The following UNC13C variants were observed in gnomAD, a reference collection of about 807,000 sequenced individuals.
UNC13C encodes the protein unc-13 homolog C.
Under a neutral mutation model 245.4 loss-of-function variants are expected in UNC13C, and 174 were observed. The ratio of observed to expected loss-of-function variants is 0.71; its 90% CI spans 0.63 to 0.80. The LOEUF (loss-of-function observed/expected upper bound fraction) is 0.80, where lower values mean the gene tolerates loss of function less well. Ranked by LOEUF, UNC13C falls within the 30% of genes least tolerant of loss-of-function variation. UNC13C has a pLI of 0.00. For synonymous variants in UNC13C, 992 were observed against 895.1 expected, an observed-to-expected ratio of 1.11 and a Z score of -1.93; for missense variants, 2,829 against 2,602.9, an observed-to-expected ratio of 1.09 and a Z score of -1.89.
chr15:53,940,549 A>G, the UNC13C span, among the ~76,000 whole-genome samples: 5 of 152,292 alleles, frequency 3.3e-5, no homozygotes, highest in East Asian at 9.7e-4. Context: ...AGGTGACATG[A>G]TCCTCTATCT....
At chr15:54,032,776 A>G (rs556405857) in intron 2 of UNC13C, among the ~76,000 whole-genome samples, 13 of 152,318 alleles carry the variant, frequency 8.5e-5, no homozygotes, top group African/African-American at 3.1e-4. Context: ...CATAGAAGTA[A>G]TAACAGTACG....
chr15:54,038,124 A>ATATTTTTTT, intron 2 of UNC13C, among the ~76,000 whole-genome samples: 3 of 45,040 alleles, frequency 6.7e-5, no homozygotes, highest in African/African-American at 1.1e-4. Context: ...ATATATATAT[A>ATATTTTTTT]TTTTTTTTTT....
intron 13 of UNC13C, among the ~76,000 whole-genome samples, chr15:54,309,236 TTGCATTTCTCTGATGATTAG>T (rs1198880212): frequency 6.6e-6 from 1 of 151,990 alleles, no homozygotes; most frequent in Non-Finnish European, 1.5e-5. Context: ...TGGTTTTAAT[TTGCATTTCTCTGATGATTAG>T]TGATGTTACA....
intron 30 of UNC13C, among the ~76,000 whole-genome samples, chr15:54,577,428 C>T (rs1898002949): frequency 6.6e-6 from 1 of 152,124 alleles, no homozygotes; most frequent in Admixed American, 6.6e-5. Flanking sequence ...TCCATTTGCC[C>T]CTCCTAATCT....
At chr15:54,129,702 A>T (rs1328669279) in intron 2 of UNC13C, among the ~76,000 whole-genome samples, 1 of 151,634 alleles carries the variant, frequency 6.6e-6, no homozygotes, top group African/African-American at 2.4e-5. Context: ...AGATGTATAT[A>T]TCATTCTCTC....
intron 13 of UNC13C, among the ~76,000 whole-genome samples, chr15:54,315,336 A>G (rs1307087053): frequency 6.6e-6 from 1 of 151,644 alleles, no homozygotes; most frequent in African/African-American, 2.4e-5. Context: ...GATGATGTTT[A>G]TTTGTCAAGT....
chr15:54,016,477 G>A (rs1895664319), intron 2 of UNC13C, among the ~76,000 whole-genome samples: 1 of 152,128 alleles, frequency 6.6e-6, no homozygotes, highest in Admixed American at 6.6e-5. Context: ...TAGAGCCAAG[G>A]CCCTAGGTCA....
intron 23 of UNC13C, among the ~76,000 whole-genome samples, chr15:54,510,785 T>G (rs1894702853): frequency 2.0e-5 from 3 of 152,174 alleles, no homozygotes; most frequent in African/African-American, 7.2e-5. Context: ...ACATCCATTT[T>G]CCTTCCTTTG....
At chr15:54,161,997 A>G (rs2032996850) in intron 4 of UNC13C, among the ~76,000 whole-genome samples, 1 of 151,982 alleles carries the variant, frequency 6.6e-6, no homozygotes, top group African/African-American at 2.4e-5. Flanking sequence ...TCACAGAGGG[A>G]TTTGTGATTT....
At chr15:53,866,811 A>G in the UNC13C span, among the ~76,000 whole-genome samples, 1 of 152,246 alleles carries the variant, frequency 6.6e-6, no homozygotes, top group Non-Finnish European at 1.5e-5. Context: ...AGATAGCACT[A>G]AAAAATAAAT....
intron 17 of UNC13C, among the ~76,000 whole-genome samples, chr15:54,338,855 A>AT (rs111750863): frequency 3.9e-5 from 6 of 152,162 alleles, no homozygotes; most frequent in African/African-American, 1.4e-4. Context: ...ACTGCCTCCC[A>AT]TATCATTTTA....
At chr15:53,873,915 C>CCTTT in the UNC13C span, among the ~76,000 whole-genome samples, 3 of 18,848 alleles carry the variant, frequency 1.6e-4, no homozygotes, top group African/African-American at 3.8e-4. Context: ...TTCCTTCCTT[C>CCTTT]CTTCCTTTCT....
rs188562541 is a variant in UNC13C at position 54,428,240 on chromosome 15, T to C, written c.4933+13173T>C. Among the ~76,000 whole-genome samples, 54 of 151,882 alleles carry C rather than the reference T, an allele frequency of 3.6e-4. No individual in the cohort carries two copies. In the East Asian group the frequency reaches 0.01, roughly 29 times the overall value. ...TCAAATCATGTCTCTCTTCTGTTCA[T>C]GACCCTTGTCACACACAGAATGAAA... On this transcript the variant is annotated intron_variant, in intron 19 of 32. Coordinates refer to ENST00000260323, the MANE Select transcript of UNC13C (RefSeq NM_001080534.3).
chr15:54,526,825 T>C (rs973843113), intron 25 of UNC13C, among the ~76,000 whole-genome samples: 1 of 152,102 alleles, frequency 6.6e-6, no homozygotes, highest in African/African-American at 2.4e-5. Context: ...TGTTGTGTTT[T>C]AGAAAGATCC....
the UNC13C span, chr15:53,968,173 T>C: frequency 6.6e-6 from 1 of 152,148 alleles, no homozygotes; most frequent in African/African-American, 2.4e-5. Context: ...GGAAAGGTGA[T>C]CCAACTCAAT....
At chr15:53,938,450 T>C in the UNC13C span, among the ~76,000 whole-genome samples, 2 of 152,244 alleles carry the variant, frequency 1.3e-5, no homozygotes, top group Non-Finnish European at 2.9e-5. Context: ...GACAGATCAT[T>C]GAGACAGAAA....
chr15:54,485,658 G>C (rs1187148724), intron 19 of UNC13C, among the ~76,000 whole-genome samples: 2 of 152,170 alleles, frequency 1.3e-5, no homozygotes, highest in Non-Finnish European at 2.9e-5. Flanking sequence ...CTCAGTCATG[G>C]GTTACAAGAT....
intron 13 of UNC13C, among the ~76,000 whole-genome samples, chr15:54,301,898 C>G (rs2037593638): frequency 6.6e-6 from 1 of 152,176 alleles, no homozygotes; most frequent in African/African-American, 2.4e-5. Context: ...AATTTACACT[C>G]TCATCAACAG....
intron 4 of UNC13C, among the ~76,000 whole-genome samples, chr15:54,166,080 CT>C (rs1456923388): frequency 6.6e-6 from 1 of 151,942 alleles, no homozygotes; most frequent in Non-Finnish European, 1.5e-5. Flanking sequence ...GTATTTTTGG[CT>C]TATGTATCAA....
Sources: allele counts gnomAD v4.1 joint callset (sites outside exome capture counted in the v4.1 genomes callset), GRCh38; gene constraint gnomAD v4.1.1; transcripts MANE v1.5; gene names NCBI Gene and HGNC (gene_info 2026-07-23, HGNC 2026-07-21).